Variants in DLG1 observed in about 807,000 individuals in gnomAD.
The protein encoded by DLG1 is disks large homolog 1.
DLG1 carries 42 observed loss-of-function variants against 123.4 expected under a neutral mutation model. That is an observed-to-expected ratio of 0.34 (90% confidence interval 0.27 to 0.44). DLG1 has a LOEUF of 0.44. Among genes scored for constraint, DLG1 ranks in the 20% least tolerant of loss-of-function variants. DLG1 has a pLI of 1.00. For synonymous variants in DLG1, 317 were observed against 356.2 expected (o/e 0.89, Z 1.24); for missense variants, 942 against 1,082.6 (o/e 0.87, Z 1.82).
intron 4 of DLG1, among the ~76,000 whole-genome samples, chr3:197,243,066 G>A (rs1257869740): frequency 2.0e-5 from 3 of 152,130 alleles, no homozygotes; most frequent in African/African-American, 4.8e-5. Context: ...CGTTAGTTAC[G>A]ATCGCAAGAG....
chr3:197,167,379 A>C (rs1213309484), intron 5 of DLG1, among the ~76,000 whole-genome samples: 2 of 152,230 alleles, frequency 1.3e-5, no homozygotes, highest in African/African-American at 4.8e-5. Context: ...TACTCATACA[A>C]AAGTGTCTCC....
chr3:197,075,781 A>T (rs1376323342), intron 18 of DLG1: 5 of 1,473,452 alleles, frequency 3.4e-6, no homozygotes, highest in Non-Finnish European at 4.7e-6. Flanking sequence ...TATCTGAATA[A>T]GGTAGGTCTG....
At chr3:197,271,738 CTAAGA>C (rs1410168826) in intron 4 of DLG1, among the ~76,000 whole-genome samples, 1 of 152,038 alleles carries the variant, frequency 6.6e-6, no homozygotes. Flanking sequence ...GGTAATGGTA[CTAAGA>C]TAACACAGAA....
At chr3:197,236,551 G>A (rs1357323338) in intron 4 of DLG1, among the ~76,000 whole-genome samples, 1 of 152,150 alleles carries the variant, frequency 6.6e-6, no homozygotes, top group Non-Finnish European at 1.5e-5. Context: ...TTGCCTATGG[G>A]ATAAAGTCCA....
chr3:197,049,351 C>A (rs1309282907), intron 24 of DLG1, among the ~76,000 whole-genome samples: 2 of 152,112 alleles, frequency 1.3e-5, no homozygotes, highest in Non-Finnish European at 2.9e-5. Context: ...CCAACAACAA[C>A]AAAAAGAAAA....
intron 11 of DLG1, among the ~76,000 whole-genome samples, chr3:197,121,941 C>G (rs1463448568): frequency 6.6e-6 from 1 of 151,518 alleles, no homozygotes; most frequent in Non-Finnish European, 1.5e-5. Flanking sequence ...AAATCCTTCC[C>G]AAGAAAACTC....
chr3:197,117,422 T>C (rs1234868999), intron 12 of DLG1, among the ~76,000 whole-genome samples: 1 of 152,110 alleles, frequency 6.6e-6, no homozygotes, highest in Non-Finnish European at 1.5e-5. Flanking sequence ...AACCAAAAGG[T>C]GAAAATAACT....
At chr3:197,186,280 C>G (rs1715944192) in intron 5 of DLG1, among the ~76,000 whole-genome samples, 1 of 152,134 alleles carries the variant, frequency 6.6e-6, no homozygotes, top group Non-Finnish European at 1.5e-5. Context: ...TATCCTCTCT[C>G]ATTACACAGC....
At chr3:197,122,090 C>G (rs1184046211) in intron 11 of DLG1, among the ~76,000 whole-genome samples, 1 of 151,704 alleles carries the variant, frequency 6.6e-6, no homozygotes, top group Non-Finnish European at 1.5e-5. Flanking sequence ...AGATGTAAAC[C>G]TAAACAAAAT....
intron 15 of DLG1, among the ~76,000 whole-genome samples, chr3:197,088,095 G>A (rs1755476539): frequency 6.6e-6 from 1 of 152,092 alleles, no homozygotes; most frequent in Non-Finnish European, 1.5e-5. Context: ...CGTGGGACAG[G>A]AGAGAAAATT....
intron 11 of DLG1, 136 bp from the exon 12 acceptor site, chr3:197,119,666 C>T (rs1775192549): frequency 3.4e-6 from 3 of 891,044 alleles, no homozygotes; most frequent in Non-Finnish European, 4.6e-6. Flanking sequence ...TACTCATCAG[C>T]CAAAAAACTG....
At position 197,044,235 on chromosome 3, in the gene DLG1, A is replaced by G. The variant is rs1345012617; in HGVS notation, c.*388T>C. ...AAGCGTGCACAGTTGCTCAAAGTCTACTAAATCACTGATTAAAACCACTTT... is the reference window on the plus strand; with the variant it reads ...AAGCGTGCACAGTTGCTCAAAGTCTGCTAAATCACTGATTAAAACCACTTT... On this transcript the variant is annotated 3_prime_UTR_variant, in exon 25 of 25. Transcript: ENST00000667157. The G allele has an allele frequency of 6.3e-6, 1 of 158,496 alleles. No homozygotes were observed. The highest frequency in any genetic ancestry group is 1.4e-5 in the Non-Finnish European group (1 of 72,438). The allele number at this position is 158,496 out of a possible 1,614,324, so 9.8% of individuals were successfully genotyped here.
chr3:197,120,770 G>T (rs921708756), intron 11 of DLG1, among the ~76,000 whole-genome samples: 1 of 152,162 alleles, frequency 6.6e-6, no homozygotes, highest in African/African-American at 2.4e-5. Context: ...GAGATGCAGT[G>T]TATCTATTGA....
At chr3:197,153,573 ACCT>A (rs934077608) in intron 5 of DLG1, among the ~76,000 whole-genome samples, 1 of 151,772 alleles carries the variant, frequency 6.6e-6, no homozygotes, top group African/African-American at 2.4e-5. Context: ...CTGCTGTTCC[ACCT>A]CCTCCTCATT....
At chr3:197,049,729 A>G (rs1725971639) in intron 24 of DLG1, among the ~76,000 whole-genome samples, 1 of 152,078 alleles carries the variant, frequency 6.6e-6, no homozygotes, top group East Asian at 1.9e-4. Flanking sequence ...CTGGGCAGCA[A>G]GAGCAAAACT....
intron 4 of DLG1, among the ~76,000 whole-genome samples, chr3:197,248,182 T>C (rs1752682339): frequency 1.3e-5 from 2 of 152,228 alleles, no homozygotes. Flanking sequence ...TGGTATGTTC[T>C]GACCAAGATA....
At chr3:197,124,854 T>G (rs906138069) in intron 11 of DLG1, among the ~76,000 whole-genome samples, 2 of 152,130 alleles carry the variant, frequency 1.3e-5, no homozygotes, top group African/African-American at 4.8e-5. Flanking sequence ...TGTAGGACGA[T>G]CCCTCCTATT....
At chr3:197,180,328 G>A (rs559345176) in intron 5 of DLG1, among the ~76,000 whole-genome samples, 47 of 152,204 alleles carry the variant, frequency 3.1e-4, no homozygotes, top group African/African-American at 1.1e-3. Flanking sequence ...TATAAAAACT[G>A]GTCCCAGATT....
At chr3:197,166,256 T>C (rs1449518021) in intron 5 of DLG1, among the ~76,000 whole-genome samples, 6 of 152,238 alleles carry the variant, frequency 3.9e-5, no homozygotes, top group African/African-American at 1.4e-4. Context: ...GCAGCAATGA[T>C]GACAGGAGAT....
Sources: gnomAD v4.1 joint callset for allele counts (sites outside exome capture counted in the v4.1 genomes callset) on GRCh38, gnomAD v4.1.1 for gene constraint, MANE v1.5 for transcripts, NCBI Gene and HGNC (gene_info 2026-07-23, HGNC 2026-07-21) for gene names.